RFC5: variants seen among roughly 807,000 people sequenced by gnomAD.
The protein encoded by RFC5 is replication factor C subunit 5, also known as A1 36 kDa subunit.
Under a neutral mutation model 44.3 loss-of-function variants are expected in RFC5, and 26 were observed. That is an observed-to-expected ratio of 0.59 (90% CI 0.43 to 0.81). The LOEUF (loss-of-function observed/expected upper bound fraction) is 0.81, where lower values mean the gene tolerates loss of function less well. Among genes scored for constraint, RFC5 ranks in the 40% least tolerant of loss-of-function variants. The pLI, the probability that RFC5 is intolerant of heterozygous loss-of-function variation, is 0.00. For missense variants in RFC5, 328 were observed against 418.6 expected (o/e 0.78, Z 1.89); for synonymous variants, 155 against 155.2 (o/e 1.00, Z 0.01).
chr12:118,019,113 C>T lies in RFC5; in HGVS notation c.107C>T (p.Ser36Phe). 1 of 1,612,882 alleles carries T rather than the reference C, an allele frequency of 6.2e-7. No individual in the cohort carries two copies. The highest frequency in any genetic ancestry group is 8.5e-7 in the Non-Finnish European group (1 of 1,178,966). Reference protein sequence around the residue: ...YRPQTLNDLISHQDILSTIQK... With the variant: ...YRPQTLNDLIFHQDILSTIQK... ...CCACAGACCCTGAATGATCTCATTT[C>T]TCATCAGGACATTCTGAGTACCAGT... is the stretch of plus-strand genomic sequence containing the variant. The change falls in exon 2 of 11, where the codon TCT (serine) becomes TTT (phenylalanine). Residue 36 changes from serine to phenylalanine, a missense_variant. Physicochemically the swap from Ser to Phe is radical, Grantham distance 155. Transcript: ENST00000454402. The surrounding 1 kb of genome is among the most constrained non-coding windows in gnomAD (Gnocchi z 4.2).
chr12:118,039,416 C>A, the RFC5 span, among the ~76,000 whole-genome samples: 2 of 152,134 alleles, frequency 1.3e-5, no homozygotes, highest in East Asian at 3.9e-4. Flanking sequence ...ATGAAAAATG[C>A]GAGATGCAGG....
chr12:118,020,271 G>T (rs967711615), intron 3 of RFC5, among the ~76,000 whole-genome samples: 59 of 152,314 alleles, frequency 3.9e-4, no homozygotes, highest in Middle Eastern at 3.4e-3. Flanking sequence ...CATCTCACAG[G>T]TGGTACCTTT....
At chr12:118,039,680 T>C in the RFC5 span, among the ~76,000 whole-genome samples, 1 of 152,286 alleles carries the variant, frequency 6.6e-6, no homozygotes, top group East Asian at 1.9e-4. Flanking sequence ...TACATGGTCA[T>C]ATATATGAAT....
At chr12:118,034,644 GA>G, downstream of RFC5, 1 of 489,428 alleles carries the variant, frequency 2.0e-6, no homozygotes, top group Non-Finnish European at 3.6e-6. Flanking sequence ...GTATAAGGGG[GA>G]AGAGTGCCAC....
downstream of RFC5, chr12:118,037,724 A>G (rs2031546316): frequency 6.6e-6 from 1 of 152,110 alleles, no homozygotes; most frequent in Non-Finnish European, 1.5e-5. Flanking sequence ...ACAAAAATAA[A>G]TGATGAACCA....
chr12:118,017,709 C>T (rs770620055), intron 1 of RFC5: 2 of 777,646 alleles, frequency 2.6e-6, no homozygotes, highest in African/African-American at 1.8e-5. Flanking sequence ...CTCGCTCTGT[C>T]GCCCATGCTG....
rs1249521886 is a variant in RFC5 at position 118,018,134 on chromosome 12, T to C, written c.66-938T>C. 5 of 639,714 alleles carry C rather than the reference T, an allele frequency of 7.8e-6. No individual in the cohort carries two copies. In the African/African-American group the frequency reaches 8.9e-5, roughly 11 times the overall value. 39.6% of individuals were successfully genotyped at this position (639,714 alleles called of 1,614,324 possible). A position where few individuals can be genotyped will look rare whatever the true frequency, so the allele number is the denominator to read the frequency against. On this transcript the variant is annotated intron_variant, in intron 1 of 10. Transcript: ENST00000454402. ...TCATGTTTTCAAGGTTCATGCATGT[T>C]GCTGCTTGTATCAGTAGTTAATTTC...
At chr12:118,027,230 G>C in intron 8 of RFC5, 1 of 542,602 alleles carries the variant, frequency 1.8e-6, no homozygotes, top group Non-Finnish European at 3.3e-6. Flanking sequence ...CTTCAAGTCA[G>C]GGTAAGGCTT....
intron 1 of RFC5, chr12:118,018,144 A>T (rs1385711720): frequency 4.9e-6 from 3 of 617,338 alleles, no homozygotes; most frequent in Non-Finnish European, 8.8e-6. Context: ...TGCTGCTTGT[A>T]TCAGTAGTTA....
intron 6 of RFC5, chr12:118,025,462 G>T: frequency 2.5e-6 from 1 of 400,112 alleles, no homozygotes; most frequent in Non-Finnish European, 4.5e-6. Flanking sequence ...CCAGGCCTCT[G>T]TCCTCCCCAG....
At position 118,027,928 on chromosome 12, in the gene RFC5, C is replaced by T. The variant is rs567732093; in HGVS notation, c.794-25C>T. 2.7e-6 allele frequency: 4 copies of T among 1,465,550 alleles called. No homozygotes were observed. The South Asian group carries it at 4.6e-5, about 17-fold the overall frequency. The allele number at this position is 1,465,550 out of a possible 1,614,324, so 90.8% of individuals were successfully genotyped here. A position where few individuals can be genotyped will look rare whatever the true frequency, so the allele number is the denominator to read the frequency against. On this transcript the variant is annotated intron_variant, in intron 8 of 10. Transcript: ENST00000454402. ...CAGTATGTTTGTTCTGGAACTTGTTCCCTTTGCCTTAACTGCTCCTCTAGA... is the reference window on the plus strand; with the variant it reads ...CAGTATGTTTGTTCTGGAACTTGTTTCCTTTGCCTTAACTGCTCCTCTAGA...
chr12:118,038,517 G>C, the RFC5 span: 3 of 725,208 alleles, frequency 4.1e-6, no homozygotes, highest in African/African-American at 5.4e-5. Flanking sequence ...TGGGCCCAAG[G>C]GTCCAATTTT....
At chr12:118,039,444 T>C in the RFC5 span, among the ~76,000 whole-genome samples, 1 of 152,162 alleles carries the variant, frequency 6.6e-6, no homozygotes, top group East Asian at 1.9e-4. Context: ...CGTGAAGATG[T>C]ATGATTCCAT....
At chr12:118,030,839 G>A (rs531088195) in intron 10 of RFC5, among the ~76,000 whole-genome samples, 5 of 152,056 alleles carry the variant, frequency 3.3e-5, no homozygotes, top group South Asian at 2.1e-4. Context: ...TTGTAGAGAC[G>A]GGGGTTTCAC....
chr12:118,025,875 G>GCAAGAC, intron 7 of RFC5, 47 bp downstream of exon 7: 4 of 1,128,130 alleles, frequency 3.5e-6, no homozygotes, highest in Non-Finnish European at 5.3e-6. Context: ...TTGAGACAGA[G>GCAAGAC]TCTTGCTCTG....
chr12:118,020,159 G>A (rs1201182570), intron 3 of RFC5, among the ~76,000 whole-genome samples: 1 of 152,196 alleles, frequency 6.6e-6, no homozygotes, highest in African/African-American at 2.4e-5. Flanking sequence ...GGTTGGGTTT[G>A]GCCAATAGGG....
intron 8 of RFC5, 30 bp downstream of exon 8, chr12:118,027,048 G>C: frequency 3.1e-6 from 5 of 1,600,456 alleles, no homozygotes; most frequent in Non-Finnish European, 4.3e-6. Flanking sequence ...CCTGGCCACC[G>C]AGACCTGAAG....
At chr12:118,034,068 A>T, downstream of RFC5, 1 of 1,297,160 alleles carries the variant, frequency 7.7e-7, no homozygotes, top group Non-Finnish European at 1.1e-6. Flanking sequence ...TGGTTTTGCT[A>T]CATTCTATTC....
At chr12:118,038,514 A>G in the RFC5 span, 1 of 751,446 alleles carries the variant, frequency 1.3e-6, no homozygotes, top group African/African-American at 1.8e-5. Context: ...AGCTGGGCCC[A>G]AGGGTCCAAT....
Sources: allele counts gnomAD v4.1 joint callset (sites outside exome capture counted in the v4.1 genomes callset), GRCh38; gene constraint gnomAD v4.1.1; non-coding constraint Gnocchi (gnomAD v3.1); transcripts MANE v1.5; gene names NCBI Gene and HGNC (gene_info 2026-07-23, HGNC 2026-07-21).